ACKR2: variants seen among roughly 807,000 people sequenced by gnomAD.
ACKR2 encodes the protein atypical chemokine receptor 2, also known as C-C chemokine receptor D6.
For synonymous variants in ACKR2, 207 were observed against 192.2 expected (o/e 1.08, Z -0.64); for missense variants, 457 against 477.3 (o/e 0.96, Z 0.40).
At chr3:42,850,451 C>G (rs1225790783) in intron 2 of ACKR2, among the ~76,000 whole-genome samples, 3 of 152,172 alleles carry the variant, frequency 2.0e-5, no homozygotes, top group Non-Finnish European at 4.4e-5. Flanking sequence ...GGTCCAAGCC[C>G]AGCTGTGTGT....
intron 2 of ACKR2, among the ~76,000 whole-genome samples, chr3:42,845,353 C>G (rs965590978): frequency 2.6e-5 from 4 of 152,130 alleles, no homozygotes; most frequent in African/African-American, 9.7e-5. Flanking sequence ...TGGGAAAACA[C>G]CAATTAACAC....
At chr3:42,830,136 T>G (rs1008065101) in intron 2 of ACKR2, among the ~76,000 whole-genome samples, 1 of 152,226 alleles carries the variant, frequency 6.6e-6, no homozygotes, top group African/African-American at 2.4e-5. Context: ...CCTGCCTAAC[T>G]GTCCCAAGGC....
chr3:42,842,422 G>A (rs1701048279), intron 2 of ACKR2, among the ~76,000 whole-genome samples: 1 of 152,132 alleles, frequency 6.6e-6, no homozygotes, highest in South Asian at 2.1e-4. Context: ...TAGTATAGGT[G>A]GTAGAGGGAT....
chr3:42,838,053 G>A (rs1057348994), intron 2 of ACKR2, among the ~76,000 whole-genome samples: 1 of 151,846 alleles, frequency 6.6e-6, no homozygotes, highest in Non-Finnish European at 1.5e-5. Flanking sequence ...ATCAATCATA[G>A]GCCTAAAAGT....
chr3:42,858,181 C>T (rs2088342869), intron 2 of ACKR2, among the ~76,000 whole-genome samples: 1 of 152,232 alleles, frequency 6.6e-6, no homozygotes, highest in South Asian at 2.1e-4. Flanking sequence ...TGCTAAGGGA[C>T]AGACTGCCTC....
At chr3:42,861,203 T>C (rs2088381318) in intron 2 of ACKR2, among the ~76,000 whole-genome samples, 1 of 152,014 alleles carries the variant, frequency 6.6e-6, no homozygotes, top group Admixed American at 6.6e-5. Context: ...CCCACAGAAA[T>C]ACAAACTACG....
chr3:42,850,044 G>T (rs898102011), intron 2 of ACKR2, among the ~76,000 whole-genome samples: 1 of 152,062 alleles, frequency 6.6e-6, no homozygotes, highest in Non-Finnish European at 1.5e-5. Context: ...TGTACAAAAG[G>T]GGGGAGGTGA....
At chr3:42,848,628 G>T (rs1222546984) in intron 2 of ACKR2, among the ~76,000 whole-genome samples, 2 of 152,300 alleles carry the variant, frequency 1.3e-5, no homozygotes, top group East Asian at 3.9e-4. Context: ...AATAATTACT[G>T]TTGGAAAGTA....
At chr3:42,816,923 A>T (rs1472704233) in intron 1 of ACKR2, among the ~76,000 whole-genome samples, 1 of 152,092 alleles carries the variant, frequency 6.6e-6, no homozygotes, top group East Asian at 1.9e-4. Context: ...ATGAAAAAAA[A>T]ATTTGGTAGA....
chr3:42,853,440 TA>T lies in ACKR2; in HGVS notation c.-37-11025del, dbSNP rs548836501. Among the ~76,000 whole-genome samples, 28 of 152,316 alleles carry T rather than the reference TA, an allele frequency of 1.8e-4. 1 individual carries two copies. The East Asian group carries it at 4.6e-3, about 25-fold the overall frequency. The stretch of plus-strand genomic sequence containing the variant: ...TCTACAACCTAGTTGTTATTATTGT[TA>T]TTTTTTTGAGACAGGGTCTCGCTAT... On this transcript the variant is annotated intron_variant, in intron 2 of 2. Coordinates refer to ENST00000422265, the MANE Select transcript of ACKR2 (RefSeq NM_001296.5).
chr3:42,830,245 C>G (rs1408743123), intron 2 of ACKR2, among the ~76,000 whole-genome samples: 1 of 151,998 alleles, frequency 6.6e-6, no homozygotes, highest in African/African-American at 2.4e-5. Flanking sequence ...GGATGCTGGT[C>G]GTTAGCCTCT....
chr3:42,859,603 G>T (rs769790794), intron 2 of ACKR2, among the ~76,000 whole-genome samples: 1 of 151,936 alleles, frequency 6.6e-6, no homozygotes, highest in African/African-American at 2.4e-5. Flanking sequence ...GGATGGTCTC[G>T]ATCTCCTGAC....
intron 1 of ACKR2, among the ~76,000 whole-genome samples, chr3:42,810,184 A>G (rs186836089): frequency 3.2e-4 from 49 of 152,344 alleles, no homozygotes; most frequent in Non-Finnish European, 1.0e-4. Flanking sequence ...TAATTGCAGA[A>G]TATCTTTCAG....
At chr3:42,818,788 C>T (rs568166242) in intron 1 of ACKR2, among the ~76,000 whole-genome samples, 1 of 152,276 alleles carries the variant, frequency 6.6e-6, no homozygotes, top group East Asian at 1.9e-4. Context: ...TCTTGAACTC[C>T]TGACCTCAGG....
At chr3:42,831,851 A>G (rs1173873468) in intron 2 of ACKR2, among the ~76,000 whole-genome samples, 1 of 152,198 alleles carries the variant, frequency 6.6e-6, no homozygotes, top group Non-Finnish European at 1.5e-5. Flanking sequence ...CCTTTCATGG[A>G]CCATGATGCC....
chr3:42,825,537 C>T (rs922931356), intron 2 of ACKR2, among the ~76,000 whole-genome samples: 4 of 150,450 alleles, frequency 2.7e-5, no homozygotes, highest in African/African-American at 9.8e-5. Context: ...GTATATTGAT[C>T]TTGTATCCTG....
chr3:42,862,489 TCA>T (rs1228903859), intron 2 of ACKR2, among the ~76,000 whole-genome samples: 1 of 152,160 alleles, frequency 6.6e-6, no homozygotes, highest in Non-Finnish European at 1.5e-5. Flanking sequence ...CTGACTTTAT[TCA>T]CAGACTTAGA....
rs1204878967 is a variant in ACKR2 at position 42,819,424 on chromosome 3, TCCC to T, written c.-118-206_-118-204del. On this transcript the variant is annotated intron_variant, in intron 1 of 2. Coordinates refer to ENST00000422265, the MANE Select transcript of ACKR2 (RefSeq NM_001296.5). Reference sequence around the variant, plus strand: ...TCTTTCCAGTAGAAAAGAGCTGGGCTCCCTCACTGTTTCCTGGCTCTTTCCAGT... The same window carrying T: ...TCTTTCCAGTAGAAAAGAGCTGGGCTTCACTGTTTCCTGGCTCTTTCCAGT... Among the ~76,000 whole-genome samples the T allele has an allele frequency of 1.0e-3, 98 of 96,698 alleles. 2 individuals are homozygous for T. Among genetic ancestry groups the T allele is most frequent in the African/African-American group, 4.6e-3 (95 of 20,832 alleles). 63.4% of individuals were successfully genotyped at this position (96,698 alleles called of 152,430 possible).
intron 2 of ACKR2, among the ~76,000 whole-genome samples, chr3:42,843,584 C>T (rs1055552422): frequency 1.3e-5 from 2 of 152,162 alleles, no homozygotes; most frequent in African/African-American, 2.4e-5. Flanking sequence ...TTCTCCTCCT[C>T]CCCTGCTGTC....
Sources: allele counts gnomAD v4.1 joint callset (sites outside exome capture counted in the v4.1 genomes callset), GRCh38; gene constraint gnomAD v4.1.1; transcripts MANE v1.5; gene names NCBI Gene and HGNC (gene_info 2026-07-23, HGNC 2026-07-21).